Variants in STARD8 observed in about 807,000 individuals in gnomAD.
STARD8 encodes StAR related lipid transfer domain containing 8.
STARD8 carries 25 observed loss-of-function variants against 69.4 expected under a neutral mutation model. The observed-to-expected ratio is 0.36, with a 90% CI of 0.26 to 0.50. The LOEUF is 0.50. Among genes scored for constraint, STARD8 ranks in the 20% least tolerant of loss-of-function variants. STARD8 has a pLI of 0.96. For missense variants in STARD8, 921 were observed against 932.5 expected, an observed-to-expected ratio of 0.99 and a Z score of 0.16; for synonymous variants, 389 against 374.6, an observed-to-expected ratio of 1.04 and a Z score of -0.45.
intron 3 of STARD8, among the ~76,000 whole-genome samples, 182 bp downstream of exon 3, chrX:68,713,167 A>C (rs1052854818): frequency 3.6e-5 from 4 of 111,742 alleles, no homozygotes; most frequent in African/African-American, 1.3e-4. Context: ...ATCATCTCTA[A>C]GGGATTGCTC....
chrX:68,724,173 C>T (rs751749110), intron 14 of STARD8, 52 bp downstream of exon 14: 5 of 1,182,992 alleles, frequency 4.2e-6, no homozygotes, highest in Non-Finnish European at 5.7e-6. Flanking sequence ...ACCCCCTCCC[C>T]TGCCTCTGCC....
chrX:68,718,013 G>A lies in STARD8; in HGVS notation c.1099G>A (p.Val367Ile), dbSNP rs191372880. The change falls in exon 6 of 15, where the codon GTA becomes ATA. Residue 367 changes from valine (V) to isoleucine (I), a missense_variant. Transcript: ENST00000374599. ...GCCTGAGCTGTACCCAGCTGAGCCT[G>A]TAATGGTTGGGGCTGAGGCTGAAGA... ...NLPELYPAEP[V>I]MVGAEAEDED... is the part of the protein sequence containing the mutation. 1.3e-4 allele frequency: 157 copies of A among 1,209,024 alleles called. 1 individual carries two copies. The Middle Eastern group carries it at 4.1e-3, about 32-fold the overall frequency.
intron 2 of STARD8, among the ~76,000 whole-genome samples, chrX:68,698,995 T>C (rs898588085): frequency 1.8e-5 from 2 of 112,373 alleles, no homozygotes; most frequent in African/African-American, 6.5e-5. Context: ...GGCCAAGCCC[T>C]GAATTGCCAC....
intron 2 of STARD8, among the ~76,000 whole-genome samples, chrX:68,668,119 T>TTCTG (rs2079700207): frequency 2.2e-5 from 2 of 92,063 alleles, no homozygotes; most frequent in African/African-American, 4.0e-5. Context: ...CTTTCTGTCT[T>TTCTG]TCTTTCTTTC....
chrX:68,712,393 A>C (rs1318024742), intron 2 of STARD8, among the ~76,000 whole-genome samples: 2 of 112,617 alleles, frequency 1.8e-5, no homozygotes, highest in Non-Finnish European at 1.9e-5. Flanking sequence ...AGCCATCACC[A>C]GTTATTGTGT....
chrX:68,664,968 T>C (rs2079673940), intron 1 of STARD8, among the ~76,000 whole-genome samples: 1 of 112,245 alleles, frequency 8.9e-6, no homozygotes, highest in Non-Finnish European at 1.9e-5. Context: ...CCTAGTCTTA[T>C]GAATGCAGAT....
At chrX:68,651,803 A>C (rs930264814) in intron 1 of STARD8, among the ~76,000 whole-genome samples, 20 of 108,881 alleles carry the variant, frequency 1.8e-4, no homozygotes, top group African/African-American at 6.0e-4. Context: ...GCAGAATGAC[A>C]CTAATCAGTG....
chrX:68,698,123 T>C (rs1410742857), intron 2 of STARD8, among the ~76,000 whole-genome samples: 1 of 111,980 alleles, frequency 8.9e-6, no homozygotes, highest in Non-Finnish European at 1.9e-5. Context: ...CGGGAACTTC[T>C]GGGGCCAGTG....
intron 2 of STARD8, among the ~76,000 whole-genome samples, chrX:68,673,763 G>C (rs964634607): frequency 8.9e-6 from 1 of 111,831 alleles, no homozygotes; most frequent in Non-Finnish European, 1.9e-5. Context: ...CACATGTGTA[G>C]TGTGCAAACA....
intron 2 of STARD8, among the ~76,000 whole-genome samples, chrX:68,692,923 C>G (rs2147903692): frequency 8.9e-6 from 1 of 112,971 alleles, no homozygotes; most frequent in East Asian, 2.8e-4. Context: ...GTCCTCAATT[C>G]AACAATGAAA....
chrX:68,723,543 C>A, intron 12 of STARD8, 83 bp from the exon 13 acceptor site: 1 of 861,062 alleles, frequency 1.2e-6, no homozygotes, highest in Non-Finnish European at 1.6e-6. Context: ...TCAGGCCCTG[C>A]AGTTTGAGGC....
At chrX:68,709,030 G>A (rs766174853) in intron 2 of STARD8, among the ~76,000 whole-genome samples, 18 of 111,619 alleles carry the variant, frequency 1.6e-4, no homozygotes, top group Admixed American at 5.6e-4. Context: ...GAGCACCTCA[G>A]TTCAGCCTTT....
rs1460410031 is a variant in STARD8, at chrX:68,654,214, A to T, written c.45+6287A>T. Among the ~76,000 whole-genome samples the T allele has an allele frequency of 2.7e-5, 3 of 111,959 alleles. No individual in the cohort carries two copies. In the East Asian group the frequency reaches 8.5e-4, roughly 32 times the overall value. Reference sequence around the variant, plus strand: ...CCAAGGTCTCAGAGGGCATCAGGACACAGCGGATTCCAATGTGGTCTGTGT... The same window carrying T: ...CCAAGGTCTCAGAGGGCATCAGGACTCAGCGGATTCCAATGTGGTCTGTGT... On this transcript the variant is annotated intron_variant, in intron 1 of 14. Transcript: ENST00000374599.
rs541983784 is a variant in STARD8 at position 68,681,188 on chromosome X, TG to T, written c.79+15659del. On this transcript the variant is annotated intron_variant, in intron 2 of 14. Coordinates refer to ENST00000374599, the MANE Select transcript of STARD8 (RefSeq NM_001142503.3). The stretch of plus-strand genomic sequence containing the variant: ...CTAAAGCCCAGAAAAGGTGAATGAT[TG>T]GGCCTTAGTCATCCATAGCAAGGTA... Among the ~76,000 whole-genome samples, 13 of 111,714 alleles carry T rather than the reference TG, an allele frequency of 1.2e-4. 1 individual carries two copies. The South Asian group carries it at 4.9e-3, about 42-fold the overall frequency.
In STARD8 at chrX:68,723,607, C is replaced by T. The variant is rs769971682; in HGVS notation, c.2800-19C>T. On this transcript the variant is annotated intron_variant, in intron 12 of 14. Coordinates refer to ENST00000374599, the MANE Select transcript of STARD8 (RefSeq NM_001142503.3). ...CCAGCCCTGACAGCTGCCCCCATCC[C>T]CACTCCTGTGGCTCACAGGCACCGG... is the stretch of plus-strand genomic sequence containing the variant. 6 of 1,164,392 alleles carry T rather than the reference C, an allele frequency of 5.2e-6. No homozygotes were observed. In the South Asian group the frequency reaches 7.8e-5, roughly 15 times the overall value.
chrX:68,716,624 C>CT (rs1281812880), intron 5 of STARD8, among the ~76,000 whole-genome samples, 193 bp downstream of exon 5: 5 of 107,610 alleles, frequency 4.6e-5, no homozygotes, highest in East Asian at 2.9e-4. Context: ...TGCTTTCTTG[C>CT]TTTTTTTTTT....
At position 68,661,970 on chromosome X, in the gene STARD8, C is replaced by CTCTTTCTTTCTT. The variant is rs1169605331; in HGVS notation, c.46-3483_46-3472dup. Among the ~76,000 whole-genome samples, 418 of 55,993 alleles carry CTCTTTCTTTCTT rather than the reference C, an allele frequency of 7.5e-3. 6 individuals are homozygous for CTCTTTCTTTCTT. Among genetic ancestry groups the CTCTTTCTTTCTT allele is most frequent in the South Asian group, 0.02 (15 of 736 alleles). The allele number at this position is 55,993 out of a possible 115,157, so 48.6% of individuals were successfully genotyped here. A position where few individuals can be genotyped will look rare whatever the true frequency, so the allele number is the denominator to read the frequency against. Reference sequence around the variant, plus strand: ...CCTCTCTCTCTCTCTCTCTCTCTCTCTCTTTCTTTCTTTCTTTCTTTCTTT... The same window carrying CTCTTTCTTTCTT: ...CCTCTCTCTCTCTCTCTCTCTCTCTCTCTTTCTTTCTTTCTTTCTTTCTTTCTTTCTTTCTTT... On this transcript the variant is annotated intron_variant, in intron 1 of 14. Coordinates refer to ENST00000374599, the MANE Select transcript of STARD8 (RefSeq NM_001142503.3).
chrX:68,725,334 C>T lies in STARD8; in HGVS notation c.*912C>T, dbSNP rs902996877. The T allele has an allele frequency of 9.1e-6, 1 of 109,714 alleles. No homozygotes were observed. Among genetic ancestry groups the T allele is most frequent in the Non-Finnish European group, 1.9e-5 (1 of 52,673 alleles). 9.0% of individuals were successfully genotyped at this position (109,714 alleles called of 1,213,427 possible). On this transcript the variant is annotated 3_prime_UTR_variant, in exon 15 of 15. Transcript: ENST00000374599. Reference sequence around the variant, plus strand: ...CTCAAGCAGAGACCTGGCCCCTGGGCCAGCCAGATGGAAGGGCCTATCTTA... The same window carrying T: ...CTCAAGCAGAGACCTGGCCCCTGGGTCAGCCAGATGGAAGGGCCTATCTTA...
intron 11 of STARD8, 22 bp downstream of exon 11, chrX:68,722,183 C>T: frequency 8.6e-7 from 1 of 1,158,738 alleles, no homozygotes; most frequent in Non-Finnish European, 1.2e-6. Flanking sequence ...CAGGCCATGA[C>T]ACCTACTTAC....
Sources: allele counts gnomAD v4.1 joint callset (sites outside exome capture counted in the v4.1 genomes callset), GRCh38; gene constraint gnomAD v4.1.1; transcripts MANE v1.5; gene names NCBI Gene and HGNC (gene_info 2026-07-23, HGNC 2026-07-21).